The following GAS2 variants were observed in gnomAD, a reference collection of about 807,000 sequenced individuals.
GAS2 encodes the protein growth arrest-specific protein 2.
Under a neutral mutation model 37.5 loss-of-function variants are expected in GAS2, and 20 were observed. The observed-to-expected ratio is 0.53, with a 90% CI of 0.37 to 0.77. The LOEUF (loss-of-function observed/expected upper bound fraction) is 0.77, where lower values mean the gene tolerates loss of function less well. Among genes scored for constraint, GAS2 ranks in the 30% least tolerant of loss-of-function variants. The probability of loss-of-function intolerance (pLI) is 0.00; values close to 1 mark genes in which losing one functional copy is unlikely to be tolerated. For missense variants in GAS2, 336 were observed against 373.4 expected (o/e 0.90, Z 0.82); for synonymous variants, 144 against 132.2 (o/e 1.09, Z -0.61).
intron 1 of GAS2, among the ~76,000 whole-genome samples, chr11:22,640,488 T>G (rs1251159407): frequency 6.6e-6 from 1 of 152,180 alleles, no homozygotes; most frequent in Non-Finnish European, 1.5e-5. Context: ...ATTCACAAAA[T>G]AATTTTACCT....
intron 1 of GAS2, among the ~76,000 whole-genome samples, chr11:22,633,051 C>G (rs925653772): frequency 2.0e-5 from 3 of 151,876 alleles, no homozygotes; most frequent in African/African-American, 7.3e-5. Flanking sequence ...AACTCTTTAT[C>G]TGGTATTTTA....
intron 7 of GAS2, among the ~76,000 whole-genome samples, chr11:22,765,901 T>C (rs763800285): frequency 3.9e-4 from 60 of 152,186 alleles, no homozygotes; most frequent in Non-Finnish European, 1.2e-4. Context: ...TCAGGAAGTT[T>C]CTATACACGG....
At chr11:22,654,337 T>A (rs1057074194) in intron 1 of GAS2, among the ~76,000 whole-genome samples, 6 of 152,044 alleles carry the variant, frequency 3.9e-5, no homozygotes, top group Non-Finnish European at 8.8e-5. Flanking sequence ...ATTTAAATAA[T>A]TTTTTCCTTC....
intron 5 of GAS2, among the ~76,000 whole-genome samples, chr11:22,744,826 A>C (rs2134263343): frequency 6.6e-6 from 1 of 152,250 alleles, no homozygotes; most frequent in East Asian, 1.9e-4. Context: ...AGGCAAAAGA[A>C]AGACATAAAA....
At chr11:22,809,473 A>G (rs1857038184) in intron 7 of GAS2, among the ~76,000 whole-genome samples, 1 of 151,740 alleles carries the variant, frequency 6.6e-6, no homozygotes, top group Admixed American at 6.6e-5. Flanking sequence ...CAATTTCCAT[A>G]TTTATTTATT....
intron 2 of GAS2, among the ~76,000 whole-genome samples, chr11:22,682,220 A>T (rs1466530110): frequency 6.6e-6 from 1 of 152,102 alleles, no homozygotes; most frequent in Non-Finnish European, 1.5e-5. Flanking sequence ...AAACAGGATA[A>T]CTAAAAAGAT....
chr11:22,746,426 A>G (rs1440438466), intron 5 of GAS2, among the ~76,000 whole-genome samples: 1 of 152,184 alleles, frequency 6.6e-6, no homozygotes, highest in Non-Finnish European at 1.5e-5. Context: ...TCATAGCAGC[A>G]CCGTTCACAA....
At chr11:22,774,623 T>C (rs948149195) in intron 7 of GAS2, among the ~76,000 whole-genome samples, 1 of 152,256 alleles carries the variant, frequency 6.6e-6, no homozygotes, top group Admixed American at 6.5e-5. Context: ...ATTTGGTATG[T>C]TGACTTTAAG....
In GAS2 at chr11:22,646,233, C is replaced by A. The variant is rs1848689088; in HGVS notation, c.-21+20420C>A. ...TAATGAGAAATTATTAAGGGAAATG[C>A]TAAGTTCTTCTCTAGCTCTCTGATG... is the stretch of plus-strand genomic sequence containing the variant. On this transcript the variant is annotated intron_variant, in intron 1 of 5. Coordinates refer to the GAS2 transcript ENST00000528582. Among the ~76,000 whole-genome samples the A allele has an allele frequency of 2.6e-5, 4 of 152,080 alleles. No homozygotes were observed. The South Asian group carries it at 8.3e-4, about 32-fold the overall frequency.
chr11:22,661,665 G>T (rs1291874337), upstream of GAS2, among the ~76,000 whole-genome samples: 2 of 152,154 alleles, frequency 1.3e-5, no homozygotes, highest in African/African-American at 4.8e-5. Context: ...GATCATTTTG[G>T]TTAGCATGAG....
chr11:22,711,725 T>A (rs1851415028), intron 3 of GAS2, among the ~76,000 whole-genome samples: 1 of 152,176 alleles, frequency 6.6e-6, no homozygotes, highest in African/African-American at 2.4e-5. Context: ...GCCCTGTCAC[T>A]GCCAGCTTTC....
chr11:22,627,571 C>T (rs1205126342), intron 1 of GAS2, among the ~76,000 whole-genome samples: 1 of 152,134 alleles, frequency 6.6e-6, no homozygotes, highest in Non-Finnish European at 1.5e-5. Flanking sequence ...GAGTTCCAGA[C>T]CAGCCTGGCC....
intron 3 of GAS2, among the ~76,000 whole-genome samples, chr11:22,703,209 G>A (rs1160547295): frequency 6.6e-6 from 1 of 152,100 alleles, no homozygotes; most frequent in African/African-American, 2.4e-5. Context: ...TTTCCATGAT[G>A]ACATCATCCC....
intron 3 of GAS2, among the ~76,000 whole-genome samples, chr11:22,723,638 A>G (rs1330415186): frequency 6.6e-6 from 1 of 151,940 alleles, no homozygotes; most frequent in Non-Finnish European, 1.5e-5. Context: ...GAATTATTTT[A>G]TAGTTCCTAG....
At chr11:22,742,962 GTCTTAAGTTAC>G (rs1853171487) in intron 5 of GAS2, among the ~76,000 whole-genome samples, 1 of 151,916 alleles carries the variant, frequency 6.6e-6, no homozygotes, top group Non-Finnish European at 1.5e-5. Flanking sequence ...GACTTCTCAC[GTCTTAAGTTAC>G]TCTAGCCTCA....
At chr11:22,706,489 C>T (rs543436455) in intron 3 of GAS2, among the ~76,000 whole-genome samples, 2 of 152,216 alleles carry the variant, frequency 1.3e-5, no homozygotes, top group South Asian at 4.1e-4. Flanking sequence ...CCCCGCTCCC[C>T]CCACCCCACA....
At chr11:22,661,752 A>G (rs1010899141), upstream of GAS2, among the ~76,000 whole-genome samples, 2 of 152,198 alleles carry the variant, frequency 1.3e-5, no homozygotes, top group African/African-American at 4.8e-5. Flanking sequence ...ACCAATAACA[A>G]TATATAAACA....
At chr11:22,727,493 G>A (rs1331616150) in intron 4 of GAS2, among the ~76,000 whole-genome samples, 2 of 151,940 alleles carry the variant, frequency 1.3e-5, no homozygotes, top group African/African-American at 4.8e-5. Context: ...ATGTGCTTAA[G>A]GAAATCTGTA....
chr11:22,648,930 C>T (rs1349569724), intron 1 of GAS2, among the ~76,000 whole-genome samples: 3 of 151,882 alleles, frequency 2.0e-5, no homozygotes, highest in African/African-American at 7.2e-5. Context: ...CCTAATTGCC[C>T]TGGCCAGAAC....
Sources: gnomAD v4.1 joint callset for allele counts (sites outside exome capture counted in the v4.1 genomes callset) on GRCh38, gnomAD v4.1.1 for gene constraint, MANE v1.5 for transcripts, NCBI Gene and HGNC (gene_info 2026-07-23, HGNC 2026-07-21) for gene names.